NALCN: variants seen among roughly 807,000 people sequenced by gnomAD.
NALCN encodes the protein sodium leak channel NALCN.
In NALCN, 111 loss-of-function variants were observed where a neutral mutation model predicts 225.3. That is an observed-to-expected ratio of 0.49 (90% CI 0.42 to 0.58). NALCN has a LOEUF of 0.58. Ranked by LOEUF, NALCN falls within the 20% of genes least tolerant of loss-of-function variation. The pLI is 0.00. For missense variants in NALCN, 1,378 were observed against 2,202.4 expected (o/e 0.63, Z 7.49); for synonymous variants, 764 against 769.0 (o/e 0.99, Z 0.11).
intron 9 of NALCN, among the ~76,000 whole-genome samples, chr13:101,285,311 T>C (rs1404940291): frequency 3.3e-5 from 5 of 152,116 alleles, no homozygotes; most frequent in African/African-American, 7.2e-5. Context: ...TTATTTATTT[T>C]TGGGGGGAGA....
intron 15 of NALCN, 35 bp downstream of exon 15, chr13:101,176,265 T>C (rs1395191580): frequency 2.0e-6 from 3 of 1,465,128 alleles, no homozygotes; most frequent in Middle Eastern, 1.8e-4. Context: ...TGGTTTTTTG[T>C]CCTTTTTAAA....
chr13:101,276,062 CAAAAAAA>C (rs59471123), intron 10 of NALCN, among the ~76,000 whole-genome samples: 3 of 84,314 alleles, frequency 3.6e-5, no homozygotes, highest in South Asian at 5.5e-4. Flanking sequence ...GACTCCTTCT[CAAAAAAA>C]AAAAAAAAAA....
At chr13:101,159,010 C>T (rs2038038453) in intron 15 of NALCN, among the ~76,000 whole-genome samples, 1 of 152,016 alleles carries the variant, frequency 6.6e-6, no homozygotes, top group African/African-American at 2.4e-5. Flanking sequence ...GGCACAAATC[C>T]AGAGTAAGAT....
intron 18 of NALCN, among the ~76,000 whole-genome samples, chr13:101,121,754 A>G (rs1251628973): frequency 6.6e-6 from 1 of 152,142 alleles, no homozygotes; most frequent in Non-Finnish European, 1.5e-5. Flanking sequence ...TCAAAATGCA[A>G]ATGGTCCTGG....
chr13:101,306,290 C>T (rs2044152187), intron 7 of NALCN, among the ~76,000 whole-genome samples: 4 of 152,218 alleles, frequency 2.6e-5, no homozygotes, highest in African/African-American at 9.6e-5. Flanking sequence ...CAGTATCTAT[C>T]ACGCATTGCT....
chr13:101,167,969 T>G lies in NALCN; in HGVS notation c.1839+8331A>C, dbSNP rs903800286. On this transcript the variant is annotated intron_variant, in intron 15 of 43. Coordinates refer to ENST00000251127, the MANE Select transcript of NALCN (RefSeq NM_052867.4). ...GTGTCTTTGCCTCCTTGGCTAAGTTTATTCCAAGTATTTTATTCTTTTTGG... is the reference window on the plus strand; with the variant it reads ...GTGTCTTTGCCTCCTTGGCTAAGTTGATTCCAAGTATTTTATTCTTTTTGG... Among the ~76,000 whole-genome samples the G allele has an allele frequency of 3.3e-5, 5 of 152,220 alleles. No homozygotes were observed. In the East Asian group the frequency reaches 9.6e-4, roughly 29 times the overall value.
At chr13:101,227,828 T>C (rs2041204824) in intron 13 of NALCN, among the ~76,000 whole-genome samples, 1 of 152,186 alleles carries the variant, frequency 6.6e-6, no homozygotes, top group Non-Finnish European at 1.5e-5. Flanking sequence ...CCTCTTACCA[T>C]TGATGGTTCT....
chr13:101,205,645 C>T (rs909187651), intron 13 of NALCN, among the ~76,000 whole-genome samples: 10 of 152,090 alleles, frequency 6.6e-5, no homozygotes, highest in Non-Finnish European at 1.3e-4. Context: ...AATTAATGCT[C>T]TTCATAGAAC....
chr13:101,104,555 CTTCG>C lies in NALCN; in HGVS notation c.2728_2731del (p.Arg910GlufsTer16). 6.2e-7 allele frequency: 1 copy of C among 1,614,010 alleles called. No homozygotes were observed. Among genetic ancestry groups the C allele is most frequent in the Non-Finnish European group, 8.5e-7 (1 of 1,179,922 alleles). ...CTGCAAAGTAGGTGCATGCATGACT[CTTCG>C]AAACGGGGACTCAAACATCATGGAA... On this transcript the variant is annotated frameshift_variant, in exon 24 of 44. Coordinates refer to ENST00000251127, the MANE Select transcript of NALCN (RefSeq NM_052867.4). LOFTEE classifies it high-confidence loss of function. This position sits in a 1 kb window ranked among gnomAD's most constrained non-coding sequence, Gnocchi z 4.2.
At chr13:101,322,103 T>C (rs749191782) in intron 7 of NALCN, among the ~76,000 whole-genome samples, 13 of 152,184 alleles carry the variant, frequency 8.5e-5, no homozygotes, top group Non-Finnish European at 1.9e-4. Context: ...TTCTAATGAA[T>C]TTCTCCTTTA....
At chr13:101,188,311 CA>C (rs2039530629) in intron 14 of NALCN, among the ~76,000 whole-genome samples, 1 of 151,866 alleles carries the variant, frequency 6.6e-6, no homozygotes, top group South Asian at 2.1e-4. Flanking sequence ...AGTTTGATAC[CA>C]TTTGTTCTAA....
intron 6 of NALCN, among the ~76,000 whole-genome samples, chr13:101,358,052 A>T (rs2046115352): frequency 6.6e-6 from 1 of 152,228 alleles, no homozygotes; most frequent in Non-Finnish European, 1.5e-5. Flanking sequence ...TAAAGACTTA[A>T]ATGTTAAACC....
At chr13:101,082,998 C>T in intron 32 of NALCN, 94 bp downstream of exon 32, 5 of 1,548,636 alleles carry the variant, frequency 3.2e-6, no homozygotes, top group Non-Finnish European at 4.5e-6. Flanking sequence ...CACCCAAGAA[C>T]ATAACCGTGA....
Position 101,345,312 on chromosome 13 carries a change from C to T in NALCN, c.753G>A (p.Leu251=), listed in dbSNP as rs1366221594. The T allele has an allele frequency of 6.2e-7, 1 of 1,613,734 alleles. No individual in the cohort carries two copies. Among genetic ancestry groups the T allele is most frequent in the African/African-American group, 1.3e-5 (1 of 74,978 alleles). ...AGCCCAGCTCTTGCCTGCTAAGTCC[C>T]AGATCTTCAAGGTCCATGCATTTAA... The part of the protein sequence containing the change: ...PGFKCMDLED[L]GLSRQELGYS... The change falls in exon 7 of 44, where the codon CTG becomes CTA. Residue 251 remains leucine (L), a synonymous_variant. Transcript: ENST00000251127.
At chr13:101,078,497 A>ACTT (rs1227765797) in intron 34 of NALCN, among the ~76,000 whole-genome samples, 1 of 152,190 alleles carries the variant, frequency 6.6e-6, no homozygotes. Context: ...TTATTTTGGA[A>ACTT]CTTTAATGTT....
At chr13:101,322,109 C>T (rs531860923) in intron 7 of NALCN, among the ~76,000 whole-genome samples, 9 of 152,194 alleles carry the variant, frequency 5.9e-5, no homozygotes, top group African/African-American at 2.2e-4. Context: ...TGAATTTCTC[C>T]TTTAAAAACC....
At chr13:101,070,063 GTTTTTTTTTT>G (rs71121162) in intron 37 of NALCN, among the ~76,000 whole-genome samples, 1 of 98,314 alleles carries the variant, frequency 1.0e-5, no homozygotes, top group Non-Finnish European at 1.8e-5. Context: ...AATCATGAAT[GTTTTTTTTTT>G]TTTTTTTTTT....
chr13:101,075,121 T>G (rs1197743588), intron 35 of NALCN, among the ~76,000 whole-genome samples: 1 of 152,184 alleles, frequency 6.6e-6, no homozygotes, highest in African/African-American at 2.4e-5. Context: ...ATTAAGTATA[T>G]TGGTTATGTG....
intron 6 of NALCN, among the ~76,000 whole-genome samples, chr13:101,367,779 A>G (rs948813233): frequency 2.0e-5 from 3 of 152,192 alleles, no homozygotes; most frequent in East Asian, 1.9e-4. Context: ...AATCATCTTT[A>G]TATGTAAAAA....
Sources: allele counts gnomAD v4.1 joint callset (sites outside exome capture counted in the v4.1 genomes callset), GRCh38; gene constraint gnomAD v4.1.1; non-coding constraint Gnocchi (gnomAD v3.1); transcripts MANE v1.5; gene names NCBI Gene and HGNC (gene_info 2026-07-23, HGNC 2026-07-21).